Variants in TRIM2 observed in about 807,000 individuals in gnomAD.
The protein encoded by TRIM2 is tripartite motif-containing protein 2.
A neutral mutation model predicts 75.2 loss-of-function variants in TRIM2; 20 were observed. That is an observed-to-expected ratio of 0.27 (90% CI 0.19 to 0.39). The LOEUF (loss-of-function observed/expected upper bound fraction) is 0.39. Among genes scored for constraint, TRIM2 ranks in the 10% least tolerant of loss-of-function variants. The pLI, the probability that TRIM2 is intolerant of heterozygous loss-of-function variation, is 1.00. For synonymous variants in TRIM2, 373 were observed against 388.3 expected (o/e 0.96, Z 0.46); for missense variants, 660 against 990.8 (o/e 0.67, Z 4.48).
intron 1 of TRIM2, among the ~76,000 whole-genome samples, chr4:153,234,231 A>T (rs762023980): frequency 1.6e-4 from 24 of 152,198 alleles, no homozygotes; most frequent in Non-Finnish European, 2.9e-4. Flanking sequence ...ACAACCACTC[A>T]GAAGTGCAGT....
At chr4:153,310,758 G>A (rs1371086999) in intron 6 of TRIM2, among the ~76,000 whole-genome samples, 1 of 152,142 alleles carries the variant, frequency 6.6e-6, no homozygotes. Flanking sequence ...TTAAAGAAAA[G>A]ATTTTTTAAA....
intron 10 of TRIM2, among the ~76,000 whole-genome samples, chr4:153,325,465 G>T (rs1769963772): frequency 6.6e-6 from 1 of 152,202 alleles, no homozygotes; most frequent in African/African-American, 2.4e-5. Flanking sequence ...TAGGATAGTG[G>T]AAAAAGTTGG....
At position 153,336,980 on chromosome 4, in the gene TRIM2, T is replaced by C. The variant is rs1342161150; in HGVS notation, c.*2014T>C. ...TTTGAATTTAAACATTCATATTTAC[T>C]GAGTACCTACTAGGTACCAAGTACT... On this transcript the variant is annotated 3_prime_UTR_variant, in exon 12 of 12. Coordinates refer to ENST00000338700, the MANE Select transcript of TRIM2 (RefSeq NM_015271.5). 2 of 982,392 alleles carry C rather than the reference T, an allele frequency of 2.0e-6. No homozygotes were observed. The highest frequency in any genetic ancestry group is 2.3e-4 in the East Asian group (2 of 8,814). The allele number at this position is 982,392 out of a possible 1,614,324, so 60.9% of individuals were successfully genotyped here. A position where few individuals can be genotyped will look rare whatever the true frequency, so the allele number is the denominator to read the frequency against.
At chr4:153,304,840 T>C (rs1026688702) in intron 6 of TRIM2, among the ~76,000 whole-genome samples, 4 of 152,232 alleles carry the variant, frequency 2.6e-5, no homozygotes, top group African/African-American at 7.2e-5. Flanking sequence ...ATAGTTATTA[T>C]ACAGGTGGTG....
rs77542391 is a variant in TRIM2, at chr4:153,307,341, A to C, written c.1511-8144A>C. Among the ~76,000 whole-genome samples the C allele has an allele frequency of 6.7e-3, 1,028 of 152,322 alleles. 13 individuals carry two copies. Among genetic ancestry groups the C allele is most frequent in the African/African-American group, 0.023 (970 of 41,582 alleles). On this transcript the variant is annotated intron_variant, in intron 6 of 11. Coordinates refer to ENST00000338700, the MANE Select transcript of TRIM2 (RefSeq NM_015271.5). ...CATTATACACCATACCTTAATGAGTAGATGAAAAGTTGAATGAAACACTCA... is the reference window on the plus strand; with the variant it reads ...CATTATACACCATACCTTAATGAGTCGATGAAAAGTTGAATGAAACACTCA...
At chr4:153,186,274 T>C (rs1732587444) in intron 1 of TRIM2, among the ~76,000 whole-genome samples, 1 of 152,128 alleles carries the variant, frequency 6.6e-6, no homozygotes, top group African/African-American at 2.4e-5. Flanking sequence ...AGTTTACTTA[T>C]CTGTGACGTA....
At chr4:153,318,043 G>A (rs542976084) in intron 8 of TRIM2, among the ~76,000 whole-genome samples, 37 of 152,334 alleles carry the variant, frequency 2.4e-4, no homozygotes, top group African/African-American at 8.2e-4. Flanking sequence ...AAGGATCTAA[G>A]AAATGAATGT....
rs146355981 is a variant in TRIM2, at chr4:153,302,571, T to C, written c.1510+6535T>C. On this transcript the variant is annotated intron_variant, in intron 6 of 11. Coordinates refer to ENST00000338700, the MANE Select transcript of TRIM2 (RefSeq NM_015271.5). ...TTGGTATCCCAGGCAAAGGGACCAG[T>C]GTGAAGAAGTACAGAAAGGTGAAGA... Among the ~76,000 whole-genome samples, 10 of 152,308 alleles carry C rather than the reference T, an allele frequency of 6.6e-5. No homozygotes were observed. The East Asian group carries it at 1.7e-3, about 26-fold the overall frequency.
At chr4:153,227,682 G>T (rs1742513123) in intron 1 of TRIM2, among the ~76,000 whole-genome samples, 1 of 152,162 alleles carries the variant, frequency 6.6e-6, no homozygotes, top group South Asian at 2.1e-4. Flanking sequence ...AATGGAGGGT[G>T]CACGTCTCTC....
intron 10 of TRIM2, 30 bp downstream of exon 10, chr4:153,324,178 T>A: frequency 6.3e-7 from 1 of 1,576,854 alleles, no homozygotes; most frequent in Non-Finnish European, 8.7e-7. Context: ...TGTTGTTAAC[T>A]TTTAACTGCT....
At chr4:153,268,063 G>A (rs1320465708) in intron 1 of TRIM2, among the ~76,000 whole-genome samples, 2 of 152,198 alleles carry the variant, frequency 1.3e-5, no homozygotes, top group African/African-American at 2.4e-5. Flanking sequence ...GAGTCAAAGC[G>A]AGGTTTTCTT....
chr4:153,269,967 CA>C (rs910146329), intron 1 of TRIM2, among the ~76,000 whole-genome samples: 13 of 152,018 alleles, frequency 8.6e-5, no homozygotes, highest in Non-Finnish European at 1.8e-4. Flanking sequence ...TCACTGCACT[CA>C]CCCAGGCTGG....
intron 1 of TRIM2, among the ~76,000 whole-genome samples, chr4:153,233,763 C>A (rs563244517): frequency 3.7e-4 from 56 of 152,142 alleles, no homozygotes; most frequent in Non-Finnish European, 7.4e-4. Flanking sequence ...AGGATGGATG[C>A]ATACATTCAG....
At chr4:153,182,846 G>A (rs764166919) in intron 1 of TRIM2, among the ~76,000 whole-genome samples, 1 of 152,084 alleles carries the variant, frequency 6.6e-6, no homozygotes, top group Non-Finnish European at 1.5e-5. Context: ...CCTTTCCCCT[G>A]TCTAAGATGC....
Position 153,314,057 on chromosome 4 carries a change from A to G in TRIM2, c.1511-1428A>G, listed in dbSNP as rs1766994503. Reference sequence around the variant, plus strand: ...CAAAATTCATTGTTTCCATTCATTAATATTTACATCATCCTATTGAAATAA... The same window carrying G: ...CAAAATTCATTGTTTCCATTCATTAGTATTTACATCATCCTATTGAAATAA... On this transcript the variant is annotated intron_variant, in intron 6 of 11. Transcript: ENST00000338700. 2.6e-5 allele frequency among the ~76,000 whole-genome samples: 4 copies of G among 152,320 alleles called. No individual in the cohort carries two copies. The South Asian group carries it at 8.3e-4, about 32-fold the overall frequency.
chr4:153,308,220 T>C, intron 6 of TRIM2: 1 of 1,474,384 alleles, frequency 6.8e-7, no homozygotes, highest in South Asian at 1.1e-5. Flanking sequence ...GACAGAGCCA[T>C]CCTCTGCTCT....
intron 1 of TRIM2, among the ~76,000 whole-genome samples, chr4:153,231,815 A>G (rs1001313654): frequency 2.6e-5 from 4 of 152,114 alleles, no homozygotes; most frequent in Non-Finnish European, 2.9e-5. Flanking sequence ...TTGTAAGGAC[A>G]TCAGTCATAT....
At chr4:153,158,129 G>A (rs952855334) in intron 1 of TRIM2, among the ~76,000 whole-genome samples, 13 of 152,106 alleles carry the variant, frequency 8.5e-5, no homozygotes, top group African/African-American at 1.9e-4. Flanking sequence ...ACTACTTAAC[G>A]GAAGATCTAC....
At chr4:153,170,756 C>T (rs1730770433) in intron 1 of TRIM2, among the ~76,000 whole-genome samples, 1 of 152,154 alleles carries the variant, frequency 6.6e-6, no homozygotes, top group Admixed American at 6.5e-5. Flanking sequence ...GGGGTAAAAA[C>T]AGCTGTCCCT....
Sources: allele counts gnomAD v4.1 joint callset (sites outside exome capture counted in the v4.1 genomes callset), GRCh38; gene constraint gnomAD v4.1.1; transcripts MANE v1.5; gene names NCBI Gene and HGNC (gene_info 2026-07-23, HGNC 2026-07-21).